The following LSAMP variants were observed in gnomAD, a reference collection of about 807,000 sequenced individuals.
LSAMP encodes the protein limbic system-associated membrane protein.
LSAMP carries 7 observed loss-of-function variants against 38.6 expected under a neutral mutation model. The observed-to-expected ratio is 0.18, with a 90% CI of 0.10 to 0.34. The LOEUF (loss-of-function observed/expected upper bound fraction) is 0.34, where lower values mean the gene tolerates loss of function less well. LSAMP is among the 10% of genes least tolerant of loss of function. LSAMP has a pLI of 1.00. For synonymous variants in LSAMP, 154 were observed against 166.8 expected (o/e 0.92, Z 0.59); for missense variants, 313 against 420.0 (o/e 0.75, Z 2.23).
chr3:116,388,578 C>T (rs185364992), intron 1 of LSAMP, among the ~76,000 whole-genome samples: 15 of 152,250 alleles, frequency 9.9e-5, no homozygotes, highest in African/African-American at 1.9e-4. Flanking sequence ...ATAGAATACA[C>T]GCTGCATCTC....
chr3:115,814,211 C>T (rs1024100523), intron 6 of LSAMP: 2 of 152,136 alleles, frequency 1.3e-5, no homozygotes, highest in Non-Finnish European at 2.9e-5. Context: ...AATGTTGACT[C>T]AAGGAGCAAA....
chr3:116,293,555 G>A (rs1343286591), intron 1 of LSAMP, among the ~76,000 whole-genome samples: 1 of 152,050 alleles, frequency 6.6e-6, no homozygotes, highest in African/African-American at 2.4e-5. Flanking sequence ...TTCATACAGA[G>A]GTGACTAGTG....
intron 1 of LSAMP, among the ~76,000 whole-genome samples, chr3:116,246,972 C>T (rs970677702): frequency 4.6e-5 from 7 of 152,158 alleles, no homozygotes; most frequent in African/African-American, 1.7e-4. Flanking sequence ...GCTTTTCCAT[C>T]CCCGATTTTT....
chr3:115,908,500 G>A (rs1233061876), intron 3 of LSAMP, among the ~76,000 whole-genome samples: 2 of 152,148 alleles, frequency 1.3e-5, no homozygotes, highest in African/African-American at 4.8e-5. Context: ...CAGCAAAGTG[G>A]AAGATGAAGT....
At chr3:116,337,610 C>T (rs547287635) in intron 1 of LSAMP, among the ~76,000 whole-genome samples, 6 of 152,044 alleles carry the variant, frequency 3.9e-5, no homozygotes, top group African/African-American at 1.4e-4. Context: ...AAAGAAGACT[C>T]TTACTACCTA....
chr3:115,891,086 A>T (rs1378579935), intron 3 of LSAMP, among the ~76,000 whole-genome samples: 1 of 151,952 alleles, frequency 6.6e-6, no homozygotes, highest in Non-Finnish European at 1.5e-5. Flanking sequence ...ACTGTAGCTT[A>T]CCCCTAACAA....
intron 1 of LSAMP, among the ~76,000 whole-genome samples, chr3:116,096,945 G>GA (rs2107442966): frequency 6.6e-6 from 1 of 152,312 alleles, no homozygotes; most frequent in East Asian, 1.9e-4. Flanking sequence ...ATACAGTTGA[G>GA]AGAGGATGAG....
At chr3:116,274,964 A>AAT (rs1376452678) in intron 1 of LSAMP, among the ~76,000 whole-genome samples, 1 of 151,684 alleles carries the variant, frequency 6.6e-6, no homozygotes, top group Non-Finnish European at 1.5e-5. Context: ...CAAAAAAAAA[A>AAT]AAAAACTGCT....
At chr3:116,428,319 T>C (rs2049232263) in intron 1 of LSAMP, among the ~76,000 whole-genome samples, 1 of 152,008 alleles carries the variant, frequency 6.6e-6, no homozygotes, top group African/African-American at 2.4e-5. Context: ...TTAGCTGGGC[T>C]TGGTGGTGTG....
At chr3:116,036,810 A>G (rs1235385914) in intron 2 of LSAMP, among the ~76,000 whole-genome samples, 1 of 152,184 alleles carries the variant, frequency 6.6e-6, no homozygotes, top group Non-Finnish European at 1.5e-5. Context: ...ATTTCTAGAA[A>G]TTGCTTGAGG....
At chr3:116,161,017 G>T (rs376840352) in intron 1 of LSAMP, among the ~76,000 whole-genome samples, 1 of 152,198 alleles carries the variant, frequency 6.6e-6, no homozygotes, top group East Asian at 1.9e-4. Flanking sequence ...CTCCAGCCAC[G>T]TGGGGCTATG....
rs138950061 is a variant in LSAMP at position 116,387,921 on chromosome 3, G to A, written c.155+56956C>T. Among the ~76,000 whole-genome samples, 472 of 151,688 alleles carry A rather than the reference G, an allele frequency of 3.1e-3. 5 individuals carry two copies. The highest frequency in any genetic ancestry group is 0.011 in the African/African-American group (442 of 41,302). ...ATCCTGGCTAACACGGTGAAACCCC[G>A]TCTCTACTAAAAATACAAAAAAGAA... On this transcript the variant is annotated intron_variant, in intron 1 of 6. Coordinates refer to ENST00000490035, the MANE Select transcript of LSAMP (RefSeq NM_002338.5).
intron 3 of LSAMP, among the ~76,000 whole-genome samples, chr3:115,914,775 C>A (rs529514383): frequency 1.3e-5 from 2 of 152,172 alleles, no homozygotes; most frequent in Non-Finnish European, 2.9e-5. Context: ...TCACATAAAA[C>A]CCTACCTGTT....
chr3:116,059,630 T>TA (rs1414762140), intron 2 of LSAMP, among the ~76,000 whole-genome samples: 1 of 152,224 alleles, frequency 6.6e-6, no homozygotes, highest in Non-Finnish European at 1.5e-5. Flanking sequence ...TAGTGTATCC[T>TA]AACACAGGAG....
chr3:115,844,322 CAAG>C (rs552189965), intron 4 of LSAMP, among the ~76,000 whole-genome samples: 1 of 152,128 alleles, frequency 6.6e-6, no homozygotes, highest in Non-Finnish European at 1.5e-5. Context: ...GATTAGCAGT[CAAG>C]AAGAGGAAAT....
At chr3:116,310,391 G>A (rs1214421928) in intron 1 of LSAMP, among the ~76,000 whole-genome samples, 1 of 152,148 alleles carries the variant, frequency 6.6e-6, no homozygotes, top group Non-Finnish European at 1.5e-5. Flanking sequence ...GGAAGGTGCC[G>A]ATTCTCAGTC....
chr3:116,082,236 T>C (rs1040709296), intron 2 of LSAMP, among the ~76,000 whole-genome samples: 1 of 152,206 alleles, frequency 6.6e-6, no homozygotes, highest in African/African-American at 2.4e-5. Flanking sequence ...TTATATGATT[T>C]ACTATTATAA....
rs115414324 is a variant in LSAMP at position 116,017,048 on chromosome 3, T to A, written c.514+2467A>T. ...ACATGGCTTGTCCTCTGGTCTTTTG[T>A]TGACTTGAAACATCATAGAAAAACA... On this transcript the variant is annotated intron_variant, in intron 3 of 6. Transcript: ENST00000490035. Among the ~76,000 whole-genome samples, 1,003 of 152,238 alleles carry A rather than the reference T, an allele frequency of 6.6e-3. 5 individuals are homozygous for A. The highest frequency in any genetic ancestry group is 0.022 in the African/African-American group (916 of 41,548).
chr3:116,004,515 T>C (rs1023516325), intron 3 of LSAMP, among the ~76,000 whole-genome samples: 1 of 121,000 alleles, frequency 8.3e-6, no homozygotes, highest in Non-Finnish European at 1.8e-5. Flanking sequence ...TGTGTGTATA[T>C]ATATGTGTAT....
Sources: gnomAD v4.1 joint callset for allele counts (sites outside exome capture counted in the v4.1 genomes callset) on GRCh38, gnomAD v4.1.1 for gene constraint, MANE v1.5 for transcripts, NCBI Gene and HGNC (gene_info 2026-07-23, HGNC 2026-07-21) for gene names.